The following BST2 variants were observed in gnomAD, a reference collection of about 807,000 sequenced individuals.
BST2 encodes the protein bone marrow stromal antigen 2.
A neutral mutation model predicts 18.6 loss-of-function variants in BST2; 10 were observed. That is an observed-to-expected ratio of 0.54 (90% CI 0.33 to 0.91). The LOEUF is 0.91. Among genes scored for constraint, BST2 ranks in the 40% least tolerant of loss-of-function variants. The pLI, the probability that BST2 is intolerant of heterozygous loss-of-function variation, is 0.02. For synonymous variants in BST2, 75 were observed against 96.8 expected (o/e 0.77, Z 1.32); for missense variants, 183 against 228.4 (o/e 0.80, Z 1.28).
chr19:17,403,450 C>T (rs946194781), intron 4 of BST2, 124 bp from the exon 5 acceptor site: 3 of 847,870 alleles, frequency 3.5e-6, no homozygotes, highest in African/African-American at 1.9e-5. Flanking sequence ...AGCCCCTCCC[C>T]TCCATCGATA....
rs762728373 is a variant in BST2 at position 17,405,426 on chromosome 19, G to A, written c.150C>T (p.Ser50=). The A allele has an allele frequency of 7.4e-6, 12 of 1,614,122 alleles. No homozygotes were observed. The highest frequency in any genetic ancestry group is 2.7e-5 in the African/African-American group (2 of 74,940). The change falls in exon 1 of 5, where the codon AGC becomes AGT. Residue 50 remains serine (S), a synonymous_variant. Coordinates refer to ENST00000252593, the MANE Select transcript of BST2 (RefSeq NM_004335.4). ...CCCGAAGGCCGTCCCGGCAGGCCTC[G>A]CTGTTGGCCTTGATGGTGAAGATAA... ...PLIIFTIKAN[S]EACRDGLRAV...
intron 3 of BST2, 21 bp downstream of exon 3, chr19:17,404,108 C>T (rs769368930): frequency 1.1e-5 from 18 of 1,569,894 alleles, no homozygotes; most frequent in East Asian, 2.4e-5. Context: ...TGGAGGGTAG[C>T]GGGGGAAGGC....
In BST2 at chr19:17,404,220, C is replaced by A. The variant is rs200099556; in HGVS notation, c.353-31G>T. Reference sequence around the variant, plus strand: ...AGGGTGGGAGGACAGAAACAGGGGGCGGGTCAGCATGTGGCCATGCTGGGG... The same window carrying A: ...AGGGTGGGAGGACAGAAACAGGGGGAGGGTCAGCATGTGGCCATGCTGGGG... On this transcript the variant is annotated intron_variant, in intron 2 of 4. Transcript: ENST00000252593. The A allele has an allele frequency of 1.9e-6, 3 of 1,593,932 alleles. No individual in the cohort carries two copies. The East Asian group carries it at 6.8e-5, about 36-fold the overall frequency.
In BST2 at chr19:17,405,365, G is replaced by T; in HGVS notation, c.211C>A (p.Gln71Lys). The change falls in exon 1 of 5, where the codon CAA (glutamine) becomes AAA (lysine). Residue 71 changes from glutamine (Q) to lysine (K), a missense_variant. By Grantham distance (53) the Gln-to-Lys change is moderately conservative. Transcript: ENST00000252593. Reference protein sequence around the residue: ...MECRNVTHLLQQELTEAQKGF... With the variant: ...MECRNVTHLLKQELTEAQKGF... ...TTCTGGGCCTCGGTCAGCTCTTGTTGCAGGAGATGGGTGACATTGCGACAC... is the reference window on the plus strand; with the variant it reads ...TTCTGGGCCTCGGTCAGCTCTTGTTTCAGGAGATGGGTGACATTGCGACAC... 6.2e-7 allele frequency: 1 copy of T among 1,614,232 alleles called. No individual in the cohort carries two copies. Among genetic ancestry groups the T allele is most frequent in the Non-Finnish European group, 8.5e-7 (1 of 1,180,040 alleles).
chr19:17,403,007 C>A lies in BST2; in HGVS notation c.*335G>T, dbSNP rs2074704885. 4 of 984,796 alleles carry A rather than the reference C, an allele frequency of 4.1e-6. No homozygotes were observed. The highest frequency in any genetic ancestry group is 4.7e-5 in the South Asian group (1 of 21,258). 61.0% of individuals were successfully genotyped at this position (984,796 alleles called of 1,614,324 possible). A position where few individuals can be genotyped will look rare whatever the true frequency, so the allele number is the denominator to read the frequency against. ...TCAAAGACCCCAGAAAAAAGCAACC[C>A]CCCCCGCAAAAAAAACCCATAACAA... is the stretch of plus-strand genomic sequence containing the variant. On this transcript the variant is annotated 3_prime_UTR_variant, in exon 5 of 5. Coordinates refer to ENST00000252593, the MANE Select transcript of BST2 (RefSeq NM_004335.4).
intron 1 of BST2, 85 bp from the exon 2 acceptor site, chr19:17,404,522 G>A: frequency 6.3e-7 from 1 of 1,595,680 alleles, no homozygotes; most frequent in Non-Finnish European, 8.5e-7. Context: ...AGGTCCTGGG[G>A]ACAGAGGGGC....
At position 17,405,590 on chromosome 19, in the gene BST2, T is replaced by TAGCTGAAA. The variant is rs1555733989; in HGVS notation, c.-16_-15insTTTCAGCT. 1 of 707,552 alleles carries TAGCTGAAA rather than the reference T, an allele frequency of 1.4e-6. No homozygotes were observed. The allele number at this position is 707,552 out of a possible 1,614,324, so 43.8% of individuals were successfully genotyped here. A position where few individuals can be genotyped will look rare whatever the true frequency, so the allele number is the denominator to read the frequency against. ...GTAGATGCCATCCAGATCTCCCCTT[T>TAGCTGAAA]AGAGTCTGGCCTGGAGTTAGGGGAG... On this transcript the variant is annotated 5_prime_UTR_variant, in exon 1 of 5. Coordinates refer to ENST00000252593, the MANE Select transcript of BST2 (RefSeq NM_004335.4).
At chr19:17,403,644 T>C in intron 4 of BST2, 36 bp downstream of exon 4, 1 of 1,595,614 alleles carries the variant, frequency 6.3e-7, no homozygotes, top group Non-Finnish European at 8.5e-7. Context: ...TCCCCAGCTT[T>C]CTTCTCCCTC....
intron 3 of BST2, 47 bp downstream of exon 3, chr19:17,404,082 A>G: frequency 6.5e-7 from 1 of 1,535,438 alleles, no homozygotes; most frequent in Non-Finnish European, 8.8e-7. Flanking sequence ...TGTGGGGGTG[A>G]GAGGAATGTG....
At chr19:17,403,969 G>A in intron 3 of BST2, 145 bp from the exon 4 acceptor site, 1 of 1,330,296 alleles carries the variant, frequency 7.5e-7, no homozygotes, top group South Asian at 1.4e-5. Context: ...CCATGGCTCT[G>A]TGACCCTAGG....
At position 17,403,699 on chromosome 19, in the gene BST2, T is replaced by G. The variant is rs765537738; in HGVS notation, c.539A>C (p.Gln180Pro). 11 of 1,603,978 alleles carry G rather than the reference T, an allele frequency of 6.9e-6. No individual in the cohort carries two copies. The change falls in exon 4 of 5, where the codon CAG becomes CCG. Residue 180 changes from glutamine (Q) to proline (P), a missense_variant. By Grantham distance (76) the Gln-to-Pro change is moderately conservative. Coordinates refer to ENST00000252593, the MANE Select transcript of BST2 (RefSeq NM_004335.4). ...ACTGACCAGCTTCCTGGGATCTCAC[T>G]GCAGCAGAGCGCTGAGGCCCAGCAG... The part of the protein sequence containing the change: ...IVLLGLSALL[Q>P]
chr19:17,404,797 C>T (rs2074716413), intron 1 of BST2, among the ~76,000 whole-genome samples: 1 of 152,188 alleles, frequency 6.6e-6, no homozygotes, highest in African/African-American at 2.4e-5. Context: ...GATTTCCCCG[C>T]CCAAGTGACA....
At chr19:17,403,563 C>G in intron 4 of BST2, 117 bp downstream of exon 4, 2 of 1,380,722 alleles carry the variant, frequency 1.4e-6, no homozygotes, top group Admixed American at 5.4e-5. Context: ...AGGCCCCTCA[C>G]CTCTGCGCCC....
At position 17,404,176 on chromosome 19, in the gene BST2, T is replaced by C. The variant is rs757306472; in HGVS notation, c.366A>G (p.Thr122=). 6.2e-7 allele frequency: 1 copy of C among 1,602,352 alleles called. No individual in the cohort carries two copies. Among genetic ancestry groups the C allele is most frequent in the Admixed American group, 1.7e-5 (1 of 58,044 alleles). Reference sequence around the variant, plus strand: ...ACGCGTCCTGAAGCTTATGGTTTAATGTAGTGATCTCTCCTGGTAGGGTGG... The same window carrying C: ...ACGCGTCCTGAAGCTTATGGTTTAACGTAGTGATCTCTCCTGGTAGGGTGG... ...KVEELEGEIT[T]LNHKLQDASA... The change falls in exon 3 of 5, where the codon ACA becomes ACG. Residue 122 remains threonine (T), a synonymous_variant. Coordinates refer to ENST00000252593, the MANE Select transcript of BST2 (RefSeq NM_004335.4).
Position 17,405,355 on chromosome 19 carries a change from A to C in BST2, c.221T>G (p.Leu74Arg), listed in dbSNP as rs778271368. ...RNVTHLLQQE[L>R]TEAQKGFQDV... ...CTGAAAGCCCTTCTGGGCCTCGGTC[A>C]GCTCTTGTTGCAGGAGATGGGTGAC... is the stretch of plus-strand genomic sequence containing the variant. Residue 74 changes from leucine (L) to arginine (R), a missense_variant, in exon 1 of 5, where the codon CTG (leucine) becomes CGG (arginine). Physicochemically the swap from Leu to Arg is moderately radical, Grantham distance 102. Transcript: ENST00000252593. 2.5e-6 allele frequency: 4 copies of C among 1,614,224 alleles called. No homozygotes were observed. Among genetic ancestry groups the C allele is most frequent in the Middle Eastern group, 1.7e-4 (1 of 6,058 alleles).
chr19:17,404,413 C>T lies in BST2; in HGVS notation c.310G>A (p.Ala104Thr). The change falls in exon 2 of 5, where the codon GCA becomes ACA. Residue 104 changes from alanine to threonine, a missense_variant. Coordinates refer to ENST00000252593, the MANE Select transcript of BST2 (RefSeq NM_004335.4). The part of the protein sequence containing the change: ...TVMALMASLD[A>T]EKAQGQKKVE... Reference sequence around the variant, plus strand: ...TTCTTTTGTCCTTGGGCCTTCTCTGCATCCAGGGAAGCCATTAGGGCCATC... The same window carrying T: ...TTCTTTTGTCCTTGGGCCTTCTCTGTATCCAGGGAAGCCATTAGGGCCATC... 6.2e-7 allele frequency: 1 copy of T among 1,614,030 alleles called. No individual in the cohort carries two copies. Among genetic ancestry groups the T allele is most frequent in the Non-Finnish European group, 8.5e-7 (1 of 1,179,984 alleles).
chr19:17,404,567 C>A, intron 1 of BST2, 130 bp from the exon 2 acceptor site: 2 of 1,353,294 alleles, frequency 1.5e-6, no homozygotes, highest in South Asian at 1.3e-5. Flanking sequence ...TTCTTCCAAC[C>A]CTCTCTGCAC....
Position 17,403,059 on chromosome 19 carries a change from A to G in BST2, c.*283T>C. 1.0e-6 allele frequency: 1 copy of G among 982,454 alleles called. No individual in the cohort carries two copies. The highest frequency in any genetic ancestry group is 1.2e-6 in the Non-Finnish European group (1 of 829,302). The allele number at this position is 982,454 out of a possible 1,614,324, so 60.9% of individuals were successfully genotyped here. On this transcript the variant is annotated 3_prime_UTR_variant, in exon 5 of 5. Transcript: ENST00000252593. Reference sequence around the variant, plus strand: ...AGGCAGCACATGCCCCCCACACCGCACCCCATGCCCAATCTCAGGGTGGGA... The same window carrying G: ...AGGCAGCACATGCCCCCCACACCGCGCCCCATGCCCAATCTCAGGGTGGGA...
intron 1 of BST2, among the ~76,000 whole-genome samples, chr19:17,404,958 A>G (rs2074717506): frequency 6.6e-6 from 1 of 152,172 alleles, no homozygotes; most frequent in African/African-American, 2.4e-5. Context: ...CTCCCCCAGG[A>G]CTGGTGCCCA....
Sources: gnomAD v4.1 joint callset for allele counts (sites outside exome capture counted in the v4.1 genomes callset) on GRCh38, gnomAD v4.1.1 for gene constraint, MANE v1.5 for transcripts, NCBI Gene and HGNC (gene_info 2026-07-23, HGNC 2026-07-21) for gene names.